The following XKR4 variants were observed in gnomAD, a reference collection of about 807,000 sequenced individuals.
The protein encoded by XKR4 is XK-related protein 4.
XKR4 carries 12 observed loss-of-function variants against 53.9 expected under a neutral mutation model. That is an observed-to-expected ratio of 0.22 (90% confidence interval 0.14 to 0.36). The LOEUF is 0.36. Among genes scored for constraint, XKR4 ranks in the 10% least tolerant of loss-of-function variants. The pLI is 1.00. For missense variants in XKR4, 799 were observed against 859.5 expected, an observed-to-expected ratio of 0.93 and a Z score of 0.88; for synonymous variants, 354 against 362.4, an observed-to-expected ratio of 0.98 and a Z score of 0.26.
chr8:55,405,202 C>T (rs1413602490), intron 2 of XKR4, among the ~76,000 whole-genome samples: 1 of 152,162 alleles, frequency 6.6e-6, no homozygotes, highest in African/African-American at 2.4e-5. Context: ...GTCAAGTCGT[C>T]AGTATTGTCA....
At chr8:55,425,566 G>C (rs1356895575) in intron 2 of XKR4, among the ~76,000 whole-genome samples, 1 of 152,104 alleles carries the variant, frequency 6.6e-6, no homozygotes. Context: ...TCCCAAATGA[G>C]TATGTTCAAA....
chr8:55,399,377 C>T (rs946377150), intron 2 of XKR4, among the ~76,000 whole-genome samples: 6 of 152,326 alleles, frequency 3.9e-5, no homozygotes, highest in East Asian at 3.9e-4. Context: ...TTCTGGAATG[C>T]GCCAGTAGCT....
intron 2 of XKR4, among the ~76,000 whole-genome samples, chr8:55,491,750 C>T (rs1806275714): frequency 6.6e-6 from 1 of 152,060 alleles, no homozygotes; most frequent in African/African-American, 2.4e-5. Flanking sequence ...CCCACCTCAG[C>T]CTCTTGAGTA....
chr8:55,197,243 C>T (rs1817517719), intron 1 of XKR4, among the ~76,000 whole-genome samples: 1 of 152,126 alleles, frequency 6.6e-6, no homozygotes. Flanking sequence ...TAATCTGATT[C>T]TCTCCTGCTT....
intron 2 of XKR4, among the ~76,000 whole-genome samples, chr8:55,387,803 C>T (rs1198818235): frequency 1.3e-5 from 2 of 152,184 alleles, no homozygotes. Flanking sequence ...CTGTCCCTCT[C>T]AGGGTGAACT....
intron 1 of XKR4, among the ~76,000 whole-genome samples, chr8:55,176,720 C>CT (rs1234467457): frequency 1.3e-5 from 2 of 152,062 alleles, no homozygotes; most frequent in Non-Finnish European, 2.9e-5. Flanking sequence ...CCTTGGTATA[C>CT]TTTTTACATC....
intron 1 of XKR4, among the ~76,000 whole-genome samples, chr8:55,179,105 T>G (rs947454097): frequency 6.6e-6 from 1 of 152,062 alleles, no homozygotes; most frequent in African/African-American, 2.4e-5. Flanking sequence ...AAATCAGAGA[T>G]TGATTGGTAT....
chr8:55,160,495 C>A (rs1295990584), intron 1 of XKR4, among the ~76,000 whole-genome samples: 1 of 152,112 alleles, frequency 6.6e-6, no homozygotes, highest in East Asian at 1.9e-4. Context: ...TTGCTAACTG[C>A]AGCTTTTGGC....
chr8:55,297,555 A>T (rs1819118379), intron 1 of XKR4, among the ~76,000 whole-genome samples: 1 of 152,204 alleles, frequency 6.6e-6, no homozygotes, highest in Non-Finnish European at 1.5e-5. Flanking sequence ...GAGATAAAAA[A>T]GCTCATCCTT....
chr8:55,267,237 A>G (rs1818619463), intron 1 of XKR4, among the ~76,000 whole-genome samples: 1 of 152,186 alleles, frequency 6.6e-6, no homozygotes, highest in South Asian at 2.1e-4. Context: ...AAAAAAACCT[A>G]TGGGTTACTA....
intron 2 of XKR4, among the ~76,000 whole-genome samples, chr8:55,359,068 GAGA>G (rs1377062963): frequency 6.6e-6 from 1 of 152,246 alleles, no homozygotes; most frequent in African/African-American, 2.4e-5. Context: ...CAAGAAGTTT[GAGA>G]AGAAGGTCAA....
intron 1 of XKR4, among the ~76,000 whole-genome samples, chr8:55,349,713 TA>T (rs1272225809): frequency 6.6e-6 from 1 of 152,202 alleles, no homozygotes; most frequent in Non-Finnish European, 1.5e-5. Flanking sequence ...TAAAAGTCAC[TA>T]ATCGAACATG....
chr8:55,398,454 T>TA (rs1347868699), intron 2 of XKR4, among the ~76,000 whole-genome samples: 1 of 152,192 alleles, frequency 6.6e-6, no homozygotes, highest in Non-Finnish European at 1.5e-5. Flanking sequence ...GCATGCTATT[T>TA]AAAAATACAT....
intron 2 of XKR4, among the ~76,000 whole-genome samples, chr8:55,380,947 A>T (rs1472432157): frequency 6.6e-6 from 1 of 152,236 alleles, no homozygotes; most frequent in African/African-American, 2.4e-5. Context: ...TTCAGTTTAT[A>T]AAATGTTTTA....
intron 2 of XKR4, among the ~76,000 whole-genome samples, chr8:55,378,500 T>C (rs1451702098): frequency 6.6e-6 from 1 of 152,172 alleles, no homozygotes; most frequent in Admixed American, 6.5e-5. Flanking sequence ...TAGCTTGCTA[T>C]GGAGAAAAAC....
rs1807020770 is a variant in XKR4 at position 55,535,567 on chromosome 8, A to G, written c.*11340A>G. 1 of 152,202 alleles carries G rather than the reference A, an allele frequency of 6.6e-6. No homozygotes were observed. 9.4% of individuals were successfully genotyped at this position (152,202 alleles called of 1,614,324 possible). A position where few individuals can be genotyped will look rare whatever the true frequency, so the allele number is the denominator to read the frequency against. ...TGGCCAATCGTGGGAATATAGGAGC[A>G]ATAAATAGTCCTCTTAAGCAAGGTT... On this transcript the variant is annotated 3_prime_UTR_variant, in exon 3 of 3. Coordinates refer to ENST00000327381, the MANE Select transcript of XKR4 (RefSeq NM_052898.2).
At chr8:55,462,523 C>A (rs968585588) in intron 2 of XKR4, among the ~76,000 whole-genome samples, 1 of 152,116 alleles carries the variant, frequency 6.6e-6, no homozygotes, top group African/African-American at 2.4e-5. Flanking sequence ...CAAAAATATG[C>A]CAAATTGTAA....
chr8:55,507,186 T>A (rs1806545713), intron 2 of XKR4, among the ~76,000 whole-genome samples: 2 of 152,228 alleles, frequency 1.3e-5, no homozygotes, highest in Admixed American at 1.3e-4. Flanking sequence ...TTCAGTTCCT[T>A]GTATTGTACT....
intron 1 of XKR4, among the ~76,000 whole-genome samples, chr8:55,144,767 G>A (rs1816748751): frequency 7.2e-6 from 1 of 139,294 alleles, no homozygotes; most frequent in Non-Finnish European, 1.6e-5. Context: ...GTCCTGACAT[G>A]GGAAGCTAGG....
Sources: allele counts gnomAD v4.1 joint callset (sites outside exome capture counted in the v4.1 genomes callset), GRCh38; gene constraint gnomAD v4.1.1; transcripts MANE v1.5; gene names NCBI Gene and HGNC (gene_info 2026-07-23, HGNC 2026-07-21).